DAB2: variants seen among roughly 807,000 people sequenced by gnomAD.
The protein encoded by DAB2 is DAB adaptor protein 2, also known as disabled homolog 2.
Under a neutral mutation model 71.6 loss-of-function variants are expected in DAB2, and 28 were observed. The ratio of observed to expected loss-of-function variants is 0.39; its 90% CI spans 0.29 to 0.54. DAB2 has a LOEUF of 0.54. DAB2 is among the 20% of genes least tolerant of loss of function. DAB2 has a pLI of 0.68. For synonymous variants in DAB2, 345 were observed against 339.7 expected (o/e 1.02, Z -0.17); for missense variants, 867 against 928.8 (o/e 0.93, Z 0.86).
intron 1 of DAB2, among the ~76,000 whole-genome samples, chr5:39,404,673 G>A (rs1218002602): frequency 2.0e-5 from 3 of 151,924 alleles, no homozygotes; most frequent in African/African-American, 7.3e-5. Flanking sequence ...CCACCTCCCG[G>A]GTTCAAGCGA....
At chr5:39,412,366 A>T (rs538079608) in intron 1 of DAB2, among the ~76,000 whole-genome samples, 4 of 152,074 alleles carry the variant, frequency 2.6e-5, no homozygotes, top group African/African-American at 9.7e-5. Context: ...AGAGACTAGA[A>T]ACCAAGTTTG....
Position 39,382,612 on chromosome 5 carries a change from A to G in DAB2, c.1341+6T>C. 1.2e-6 allele frequency: 2 copies of G among 1,610,432 alleles called. No individual in the cohort carries two copies. Among genetic ancestry groups the G allele is most frequent in the African/African-American group, 2.7e-5 (2 of 74,984 alleles). On this transcript the variant is annotated splice_donor_region_variant and intron_variant, in intron 10 of 14. Coordinates refer to ENST00000320816, the MANE Select transcript of DAB2 (RefSeq NM_001343.4). The stretch of plus-strand genomic sequence containing the variant: ...TGCTAATGGATATGTGGAGAAGACA[A>G]TTCACCTTAGCAGTCCTTCTGCCTC...
rs981846329 is a variant in DAB2 at position 39,422,161 on chromosome 5, T to C, written c.-102+2643A>G. 1.3e-5 allele frequency among the ~76,000 whole-genome samples: 2 copies of C among 152,170 alleles called. No homozygotes were observed. The highest frequency in any genetic ancestry group is 2.1e-4 in the South Asian group (1 of 4,820). On this transcript the variant is annotated intron_variant, in intron 1 of 14. Coordinates refer to ENST00000320816, the MANE Select transcript of DAB2 (RefSeq NM_001343.4). This position sits in a 1 kb window ranked among gnomAD's most constrained non-coding sequence, Gnocchi z 4.1. ...GCAATTCAGCGGCACAGCTTCAACT[T>C]TGGAATTACATAGCAGTGCCAGGGA... is the stretch of plus-strand genomic sequence containing the variant.
intron 10 of DAB2, among the ~76,000 whole-genome samples, chr5:39,382,309 C>G (rs1289559878): frequency 6.6e-6 from 1 of 152,172 alleles, no homozygotes; most frequent in African/African-American, 2.4e-5. Context: ...CAACCCAGAA[C>G]ACGATGATCA....
chr5:39,406,367 C>T (rs1287952055), intron 1 of DAB2, among the ~76,000 whole-genome samples: 2 of 152,140 alleles, frequency 1.3e-5, no homozygotes, highest in Non-Finnish European at 2.9e-5. Flanking sequence ...GAGCACTTCC[C>T]ATACCTGGAG....
At chr5:39,382,094 G>A (rs1320698891) in intron 10 of DAB2, among the ~76,000 whole-genome samples, 1 of 152,194 alleles carries the variant, frequency 6.6e-6, no homozygotes, top group Non-Finnish European at 1.5e-5. Context: ...ATTTTAAATT[G>A]CTCTTAAATA....
chr5:39,393,069 T>A (rs992636434), intron 3 of DAB2, among the ~76,000 whole-genome samples, 185 bp downstream of exon 3: 1 of 152,200 alleles, frequency 6.6e-6, no homozygotes, highest in African/African-American at 2.4e-5. Flanking sequence ...AAATTAGGTA[T>A]CTAGGACATC....
chr5:39,387,156 T>C (rs370524563), intron 9 of DAB2, among the ~76,000 whole-genome samples: 2 of 152,190 alleles, frequency 1.3e-5, no homozygotes, highest in African/African-American at 4.8e-5. Flanking sequence ...GAAAGTTTTA[T>C]GCAGTAAGGA....
intron 1 of DAB2, among the ~76,000 whole-genome samples, chr5:39,421,568 G>A (rs1755986782): frequency 6.6e-6 from 1 of 152,164 alleles, no homozygotes; most frequent in African/African-American, 2.4e-5. Context: ...GTTGGAGGCA[G>A]CCAGTGTTGA....
In DAB2 at chr5:39,388,795, A is replaced by G; in HGVS notation, c.624+4T>C. Reference sequence around the variant, plus strand: ...ACTGTCAAACGTCACATATTAATACATACCGATTTCAGTTTGTTAGTTTGG... The same window carrying G: ...ACTGTCAAACGTCACATATTAATACGTACCGATTTCAGTTTGTTAGTTTGG... On this transcript the variant is annotated splice_donor_region_variant and intron_variant, in intron 8 of 14. Coordinates refer to ENST00000320816, the MANE Select transcript of DAB2 (RefSeq NM_001343.4). The G allele has an allele frequency of 6.2e-7, 1 of 1,611,892 alleles. No individual in the cohort carries two copies. The highest frequency in any genetic ancestry group is 1.1e-5 in the South Asian group (1 of 91,024).
chr5:39,388,540 A>G (rs1755150182), intron 8 of DAB2, among the ~76,000 whole-genome samples, 173 bp from the exon 9 acceptor site: 1 of 152,238 alleles, frequency 6.6e-6, no homozygotes, highest in Admixed American at 6.5e-5. Flanking sequence ...ACATGTCTCA[A>G]AGCAAATCTA....
At chr5:39,419,582 A>C (rs1464795010) in intron 1 of DAB2, among the ~76,000 whole-genome samples, 1 of 152,246 alleles carries the variant, frequency 6.6e-6, no homozygotes, top group Non-Finnish European at 1.5e-5. Context: ...AGAGGACTTC[A>C]TCTGCACTTC....
chr5:39,411,023 T>C (rs964805354), intron 1 of DAB2, among the ~76,000 whole-genome samples: 1 of 152,086 alleles, frequency 6.6e-6, no homozygotes, highest in African/African-American at 2.4e-5. Flanking sequence ...AGTAAGCAGA[T>C]GGGATAAGGG....
chr5:39,412,086 T>G (rs1755744537), intron 1 of DAB2, among the ~76,000 whole-genome samples: 3 of 152,124 alleles, frequency 2.0e-5, no homozygotes, highest in African/African-American at 7.2e-5. Context: ...CTAAATGCTA[T>G]TTTATATTTG....
chr5:39,406,893 A>G (rs1409614459), intron 1 of DAB2, among the ~76,000 whole-genome samples: 1 of 152,166 alleles, frequency 6.6e-6, no homozygotes, highest in African/African-American at 2.4e-5. Flanking sequence ...GAATTTTTCT[A>G]TTGCAGTGTC....
At chr5:39,396,772 G>A (rs889049571) in intron 1 of DAB2, among the ~76,000 whole-genome samples, 1 of 152,208 alleles carries the variant, frequency 6.6e-6, no homozygotes, top group Non-Finnish European at 1.5e-5. Context: ...TTTGGGGAGA[G>A]GGTGAGAACA....
At chr5:39,413,958 T>C (rs1339676590) in intron 1 of DAB2, among the ~76,000 whole-genome samples, 1 of 152,102 alleles carries the variant, frequency 6.6e-6, no homozygotes, top group Non-Finnish European at 1.5e-5. Flanking sequence ...TGAAATCACA[T>C]AGAACAGTGC....
At chr5:39,401,227 G>T (rs1352964572) in intron 1 of DAB2, among the ~76,000 whole-genome samples, 2 of 152,182 alleles carry the variant, frequency 1.3e-5, no homozygotes, top group African/African-American at 2.4e-5. Flanking sequence ...GTCCTTAGAA[G>T]ATTTTCTTGT....
At chr5:39,401,881 T>C (rs866042622) in intron 1 of DAB2, among the ~76,000 whole-genome samples, 22 of 152,114 alleles carry the variant, frequency 1.4e-4, no homozygotes, top group African/African-American at 5.1e-4. Context: ...GCCTCCCAAG[T>C]AGCTGGGACT....
Sources: gnomAD v4.1 joint callset for allele counts (sites outside exome capture counted in the v4.1 genomes callset) on GRCh38, gnomAD v4.1.1 for gene constraint, Gnocchi (gnomAD v3.1) non-coding constraint, MANE v1.5 for transcripts, NCBI Gene and HGNC (gene_info 2026-07-23, HGNC 2026-07-21) for gene names.